Variants in FAF1 observed in about 807,000 individuals in gnomAD.
The protein encoded by FAF1 is FAS-associated factor 1.
In FAF1, 25 loss-of-function variants were observed where a neutral mutation model predicts 92.5. That is an observed-to-expected ratio of 0.27 (90% CI 0.20 to 0.38). FAF1 has a LOEUF of 0.38. Ranked by LOEUF, FAF1 falls within the 10% of genes least tolerant of loss-of-function variation. The pLI is 1.00. For synonymous variants in FAF1, 234 were observed against 273.2 expected (o/e 0.86, Z 1.42); for missense variants, 636 against 793.3 (o/e 0.80, Z 2.38).
rs563243957 is a variant in FAF1, at chr1:50,919,763, G to A, written c.45+40004C>T. On this transcript the variant is annotated intron_variant, in intron 1 of 18. Coordinates refer to ENST00000396153, the MANE Select transcript of FAF1 (RefSeq NM_007051.3). ...TGGCCTTTTACAGGCGTGAGCCACC[G>A]CACCCAGCCGAAGAATATTCTTATA... 4.3e-4 allele frequency among the ~76,000 whole-genome samples: 65 copies of A among 152,178 alleles called. 1 individual carries two copies. The South Asian group carries it at 8.9e-3, about 21-fold the overall frequency.
chr1:50,582,122 A>C (rs1651017737), intron 12 of FAF1, among the ~76,000 whole-genome samples: 1 of 152,202 alleles, frequency 6.6e-6, no homozygotes, highest in South Asian at 2.1e-4. Context: ...ACACAGAATA[A>C]TCATTTTGGG....
intron 8 of FAF1, among the ~76,000 whole-genome samples, chr1:50,612,991 T>C (rs572419339): frequency 6.6e-6 from 1 of 152,332 alleles, no homozygotes; most frequent in Admixed American, 6.5e-5. Flanking sequence ...GGATCTTATA[T>C]TCTCATTTTT....
intron 8 of FAF1, among the ~76,000 whole-genome samples, chr1:50,647,737 A>C (rs548105114): frequency 6.6e-6 from 1 of 152,274 alleles, no homozygotes; most frequent in Non-Finnish European, 1.5e-5. Flanking sequence ...CAATAACTCT[A>C]CGAGTTATTG....
At chr1:50,761,291 C>T (rs141272453) in intron 4 of FAF1, among the ~76,000 whole-genome samples, 2,321 of 152,294 alleles carry the variant, frequency 0.015, 61 homozygotes, top group African/African-American at 0.052. Context: ...CCTTCTGAAA[C>T]TATTCCAATC....
chr1:50,575,010 G>A (rs1046891959), intron 12 of FAF1, among the ~76,000 whole-genome samples: 2 of 140,278 alleles, frequency 1.4e-5, no homozygotes, highest in African/African-American at 5.3e-5. Context: ...CTGGGTTCAC[G>A]CCATTCTCCT....
chr1:50,736,483 C>G lies in FAF1; in HGVS notation c.551+2380G>C, dbSNP rs112527145. On this transcript the variant is annotated intron_variant, in intron 6 of 18. Coordinates refer to ENST00000396153, the MANE Select transcript of FAF1 (RefSeq NM_007051.3). ...GATGTAAAGTGGCTGGGCACAGTGG[C>G]TCACGCCTGTAATCCCAGCACTTTG... 6.5e-3 allele frequency among the ~76,000 whole-genome samples: 986 copies of G among 152,312 alleles called. 12 individuals carry two copies. The highest frequency in any genetic ancestry group is 0.049 in the South Asian group (236 of 4,830).
chr1:50,945,504 T>C (rs1557599502), intron 1 of FAF1, among the ~76,000 whole-genome samples: 1 of 152,204 alleles, frequency 6.6e-6, no homozygotes, highest in South Asian at 2.1e-4. Context: ...GTCACAGTCC[T>C]TTGCTTTGTG....
At chr1:50,501,202 G>A (rs1646979840) in intron 15 of FAF1, among the ~76,000 whole-genome samples, 1 of 152,020 alleles carries the variant, frequency 6.6e-6, no homozygotes, top group Admixed American at 6.5e-5. Context: ...AAAAATAAAA[G>A]GACCCCAATT....
chr1:50,678,381 A>C (rs930866434), intron 7 of FAF1, among the ~76,000 whole-genome samples: 6 of 152,228 alleles, frequency 3.9e-5, no homozygotes, highest in Admixed American at 1.3e-4. Context: ...CACAGTCTTA[A>C]GTTATCCAAA....
chr1:50,896,266 T>C (rs114118335), intron 1 of FAF1, among the ~76,000 whole-genome samples: 1 of 152,036 alleles, frequency 6.6e-6, no homozygotes, highest in Non-Finnish European at 1.5e-5. Context: ...GCCTGGATGA[T>C]AGAGTGAGAC....
intron 4 of FAF1, among the ~76,000 whole-genome samples, chr1:50,763,912 A>G (rs2124533568): frequency 6.6e-6 from 1 of 152,344 alleles, no homozygotes; most frequent in Non-Finnish European, 1.5e-5. Flanking sequence ...AAGAATGTCC[A>G]TAATTATCTG....
intron 5 of FAF1, among the ~76,000 whole-genome samples, chr1:50,740,280 G>C (rs1446817673): frequency 1.3e-5 from 2 of 152,146 alleles, no homozygotes; most frequent in East Asian, 3.8e-4. Context: ...ATCAAGGTGG[G>C]TCTCACTTGG....
chr1:50,888,339 C>A (rs961517229), intron 1 of FAF1, among the ~76,000 whole-genome samples: 22 of 152,118 alleles, frequency 1.4e-4, no homozygotes, highest in Non-Finnish European at 2.2e-4. Flanking sequence ...CAATTTTATT[C>A]CTCTTTTCTT....
At chr1:50,771,775 C>A (rs1480996551) in intron 4 of FAF1, among the ~76,000 whole-genome samples, 1 of 152,114 alleles carries the variant, frequency 6.6e-6, no homozygotes, top group Admixed American at 6.5e-5. Flanking sequence ...GTGGTGGGCG[C>A]CTGTAATCCC....
chr1:50,596,158 C>A lies in FAF1; in HGVS notation c.803G>T (p.Arg268Ile). ...TTCCCGGGTCTGTGCAGGTGAAGAT[C>A]TTCTTCCCACTGTAAGTCGATGGCA... is the stretch of plus-strand genomic sequence containing the variant. ...YPCHRLTVGR[R>I]SSPAQTREQS... The change falls in exon 9 of 19, where the codon AGA becomes ATA. Residue 268 changes from arginine (R) to isoleucine (I), a missense_variant. Around this residue, in one of 2 missense-constraint regions of FAF1, gnomAD observed 317 missense variants for 342.4 expected, o/e 0.93. Coordinates refer to ENST00000396153, the MANE Select transcript of FAF1 (RefSeq NM_007051.3). 6.2e-7 allele frequency: 1 copy of A among 1,614,036 alleles called. No individual in the cohort carries two copies. The highest frequency in any genetic ancestry group is 1.1e-5 in the South Asian group (1 of 91,070).
At chr1:50,712,075 A>G (rs1657957321) in intron 6 of FAF1, among the ~76,000 whole-genome samples, 2 of 152,230 alleles carry the variant, frequency 1.3e-5, no homozygotes, top group Non-Finnish European at 2.9e-5. Context: ...AACTTCAGAG[A>G]TAACACTCTT....
At chr1:50,885,324 A>ACACACACACACACACACACACACTCT (rs1644651416) in intron 1 of FAF1, among the ~76,000 whole-genome samples, 7 of 102,274 alleles carry the variant, frequency 6.8e-5, no homozygotes, top group African/African-American at 2.5e-4. Context: ...ACACACACAC[A>ACACACACACACACACACACACACTCT]CTCTCTCTCT....
intron 3 of FAF1, among the ~76,000 whole-genome samples, chr1:50,800,716 A>G (rs1661957439): frequency 6.6e-6 from 1 of 152,228 alleles, no homozygotes; most frequent in Non-Finnish European, 1.5e-5. Context: ...CATGTCTTGC[A>G]GTTCATGGTG....
intron 1 of FAF1, among the ~76,000 whole-genome samples, chr1:50,887,158 G>A (rs1334721346): frequency 3.3e-5 from 5 of 152,086 alleles, no homozygotes; most frequent in Non-Finnish European, 7.4e-5. Context: ...TCATGTGTCT[G>A]TTGGCTGCAT....
Sources: gnomAD v4.1 joint callset for allele counts (sites outside exome capture counted in the v4.1 genomes callset) on GRCh38, gnomAD v4.1.1 for gene constraint, gnomAD v4.1.1 regional missense constraint, MANE v1.5 for transcripts, NCBI Gene and HGNC (gene_info 2026-07-23, HGNC 2026-07-21) for gene names.